The following PTK2 variants were observed in gnomAD, a reference collection of about 807,000 sequenced individuals.
PTK2 encodes the protein focal adhesion kinase 1.
PTK2 carries 45 observed loss-of-function variants against 150.1 expected under a neutral mutation model. The ratio of observed to expected loss-of-function variants is 0.30; its 90% CI spans 0.24 to 0.38. PTK2 has a LOEUF of 0.38. PTK2 is among the 10% of genes least tolerant of loss of function. PTK2 has a pLI of 1.00. For missense variants in PTK2, 919 were observed against 1,307.3 expected (o/e 0.70, Z 4.58); for synonymous variants, 432 against 449.2 (o/e 0.96, Z 0.48).
chr8:140,832,427 T>TTA (rs2100116013), intron 7 of PTK2, among the ~76,000 whole-genome samples: 1 of 152,184 alleles, frequency 6.6e-6, no homozygotes, highest in Admixed American at 6.5e-5. Flanking sequence ...GAACCTCCGG[T>TTA]TACTTGTAAA....
chr8:140,690,672 A>G (rs1185318070), intron 26 of PTK2, among the ~76,000 whole-genome samples: 31 of 152,224 alleles, frequency 2.0e-4, no homozygotes, highest in Admixed American at 2.0e-3. Context: ...ATTAAAATGT[A>G]AAAGTAATTA....
intron 5 of PTK2, among the ~76,000 whole-genome samples, chr8:140,861,854 C>T (rs1251425410): frequency 6.6e-6 from 1 of 152,120 alleles, no homozygotes; most frequent in African/African-American, 2.4e-5. Context: ...TTAGTGAATG[C>T]CTTGATCAGA....
chr8:140,860,059 G>C (rs1217730409), intron 5 of PTK2, among the ~76,000 whole-genome samples: 3 of 151,982 alleles, frequency 2.0e-5, no homozygotes, highest in African/African-American at 7.2e-5. Context: ...CCACATAAAC[G>C]AAAATTATAC....
intron 2 of PTK2, among the ~76,000 whole-genome samples, chr8:140,924,814 G>A (rs1241232401): frequency 6.6e-6 from 1 of 152,124 alleles, no homozygotes; most frequent in Non-Finnish European, 1.5e-5. Context: ...CATAATTTTA[G>A]TACTGATACT....
chr8:140,777,246 G>A (rs2100078990), intron 14 of PTK2, among the ~76,000 whole-genome samples: 1 of 152,206 alleles, frequency 6.6e-6, no homozygotes, highest in South Asian at 2.1e-4. Flanking sequence ...GGAAAGCATG[G>A]TGCTGACATC....
Position 140,668,595 on chromosome 8 carries a change from C to T in PTK2, c.2710-171G>A, listed in dbSNP as rs550497802. The T allele has an allele frequency of 7.6e-5, 50 of 659,972 alleles. No homozygotes were observed. The East Asian group carries it at 1.3e-3, about 17-fold the overall frequency. 40.9% of individuals were successfully genotyped at this position (659,972 alleles called of 1,614,324 possible). On this transcript the variant is annotated intron_variant, in intron 29 of 31. Transcript: ENST00000522684. ...ATTGAGAATGACAGTAAAGTAATTCCTCCAAGTGACAAATTAGGCAGTATT... is the reference window on the plus strand; with the variant it reads ...ATTGAGAATGACAGTAAAGTAATTCTTCCAAGTGACAAATTAGGCAGTATT...
At chr8:140,662,087 AG>A (rs1330338985) in intron 31 of PTK2, among the ~76,000 whole-genome samples, 2 of 152,190 alleles carry the variant, frequency 1.3e-5, no homozygotes, top group African/African-American at 4.8e-5. Context: ...GGCTTGAAGC[AG>A]GAATTTGAGA....
chr8:140,979,906 C>T (rs1396655363), intron 1 of PTK2, among the ~76,000 whole-genome samples: 1 of 152,170 alleles, frequency 6.6e-6, no homozygotes, highest in Non-Finnish European at 1.5e-5. Flanking sequence ...AATCTCTTTC[C>T]TTTCTAAATT....
At chr8:140,854,077 A>G (rs2100131043) in intron 5 of PTK2, among the ~76,000 whole-genome samples, 1 of 152,218 alleles carries the variant, frequency 6.6e-6, no homozygotes, top group African/African-American at 2.4e-5. Context: ...CCTATAGTTA[A>G]GTTTAGATTC....
chr8:140,700,452 A>G (rs1026149907), intron 26 of PTK2, among the ~76,000 whole-genome samples: 2 of 150,646 alleles, frequency 1.3e-5, no homozygotes, highest in African/African-American at 4.9e-5. Context: ...GATTTTAGGC[A>G]TTAACCACCA....
chr8:140,819,018 GGCC>G lies in PTK2; in HGVS notation c.649-1_650del. 1 of 1,610,548 alleles carries G rather than the reference GGCC, an allele frequency of 6.2e-7. No homozygotes were observed. Among genetic ancestry groups the G allele is most frequent in the Non-Finnish European group, 8.5e-7 (1 of 1,178,508 alleles). The stretch of plus-strand genomic sequence containing the variant: ...GTTGGATCAGTTTTCTTAGTGTTTT[GGCC>G]TGCATGACAAAATTACCAAAACATC... On this transcript the variant is annotated splice_acceptor_variant and coding_sequence_variant, in exon 9 of 32. Transcript: ENST00000522684. LOFTEE classifies it high-confidence loss of function.
At chr8:140,853,199 T>C (rs1055475319) in intron 5 of PTK2, among the ~76,000 whole-genome samples, 1 of 152,004 alleles carries the variant, frequency 6.6e-6, no homozygotes, top group African/African-American at 2.4e-5. Context: ...CACTCTTTTT[T>C]TTTTTTAATA....
intron 14 of PTK2, among the ~76,000 whole-genome samples, chr8:140,767,197 TATC>T (rs1009369877): frequency 5.3e-5 from 8 of 152,012 alleles, no homozygotes; most frequent in African/African-American, 1.9e-4. Context: ...TTGTGGAAAA[TATC>T]ATGTTGCATA....
At chr8:140,965,705 C>T (rs1339170235) in intron 1 of PTK2, among the ~76,000 whole-genome samples, 4 of 152,238 alleles carry the variant, frequency 2.6e-5, no homozygotes, top group Admixed American at 6.5e-5. Flanking sequence ...GGCAAAACCC[C>T]GTCTCTACTA....
At chr8:140,851,949 G>A (rs2154604782) in intron 5 of PTK2, among the ~76,000 whole-genome samples, 1 of 152,018 alleles carries the variant, frequency 6.6e-6, no homozygotes. Flanking sequence ...GTGCCCGTGT[G>A]TGTACTTGGG....
chr8:140,738,160 T>C (rs1313647918), intron 21 of PTK2, among the ~76,000 whole-genome samples: 1 of 152,058 alleles, frequency 6.6e-6, no homozygotes, highest in Admixed American at 6.6e-5. Context: ...AGGATCAACA[T>C]GAGTGGTATG....
At chr8:140,855,351 T>C (rs1019665149) in intron 5 of PTK2, among the ~76,000 whole-genome samples, 2 of 151,892 alleles carry the variant, frequency 1.3e-5, no homozygotes, top group African/African-American at 4.8e-5. Flanking sequence ...ATCCCAGCAC[T>C]TTGGGAGGCC....
chr8:140,971,374 G>C (rs2100187214), intron 1 of PTK2, among the ~76,000 whole-genome samples: 1 of 152,230 alleles, frequency 6.6e-6, no homozygotes. Flanking sequence ...AGCTCTTGTA[G>C]ACTTAACCAT....
At chr8:140,986,622 C>A (rs533493897) in intron 1 of PTK2, among the ~76,000 whole-genome samples, 2 of 152,232 alleles carry the variant, frequency 1.3e-5, no homozygotes, top group South Asian at 4.2e-4. Context: ...AAACATATAA[C>A]CCAAAACCCC....
Sources: allele counts gnomAD v4.1 joint callset (sites outside exome capture counted in the v4.1 genomes callset), GRCh38; gene constraint gnomAD v4.1.1; transcripts MANE v1.5; gene names NCBI Gene and HGNC (gene_info 2026-07-23, HGNC 2026-07-21).